TRAPPC9: variants seen among roughly 807,000 people sequenced by gnomAD.
TRAPPC9 encodes the protein trafficking protein particle complex subunit 9.
A neutral mutation model predicts 124.0 loss-of-function variants in TRAPPC9; 83 were observed. That is an observed-to-expected ratio of 0.67 (90% CI 0.56 to 0.80). TRAPPC9 has a LOEUF of 0.80. TRAPPC9 is among the 30% of genes least tolerant of loss of function. The probability of loss-of-function intolerance (pLI) is 0.00; values close to 1 mark genes in which losing one functional copy is unlikely to be tolerated. For missense variants in TRAPPC9, 1,302 were observed against 1,508.3 expected (o/e 0.86, Z 2.27); for synonymous variants, 638 against 617.5 (o/e 1.03, Z -0.49).
intron 16 of TRAPPC9, among the ~76,000 whole-genome samples, chr8:140,244,800 C>CTTTTT (rs1162364645): frequency 2.3e-4 from 21 of 90,178 alleles, no homozygotes; most frequent in Non-Finnish European, 3.9e-4. Context: ...TTTCCAATTC[C>CTTTTT]TTTTTTTTTT....
Position 140,084,436 on chromosome 8 carries a change from G to A in TRAPPC9, c.2557-60357C>T, listed in dbSNP as rs150267316. ...CTCATCCATGGTAAACAGGCTGAGCGTGTCCCTTCTCTGGTTAAAAGCCTT... is the reference window on the plus strand; with the variant it reads ...CTCATCCATGGTAAACAGGCTGAGCATGTCCCTTCTCTGGTTAAAAGCCTT... On this transcript the variant is annotated intron_variant, in intron 17 of 22. Transcript: ENST00000438773. Among the ~76,000 whole-genome samples the A allele has an allele frequency of 2.6e-3, 397 of 152,258 alleles. 2 individuals are homozygous for A. Among genetic ancestry groups the A allele is most frequent in the African/African-American group, 8.9e-3 (368 of 41,548 alleles).
chr8:140,160,643 C>CGGGG (rs2061733699), intron 17 of TRAPPC9, among the ~76,000 whole-genome samples: 1 of 31,106 alleles, frequency 3.2e-5, no homozygotes. Context: ...CAGGGCCTGT[C>CGGGG]GGGGGGTGGG....
chr8:140,411,206 C>T (rs901346968), intron 5 of TRAPPC9, among the ~76,000 whole-genome samples: 12 of 152,112 alleles, frequency 7.9e-5, no homozygotes, highest in Non-Finnish European at 4.4e-5. Context: ...AATCAATGAA[C>T]CTTAGGAGCA....
chr8:140,232,196 C>A (rs2063616139), intron 16 of TRAPPC9, among the ~76,000 whole-genome samples: 1 of 152,058 alleles, frequency 6.6e-6, no homozygotes, highest in Non-Finnish European at 1.5e-5. Context: ...CCTTGGCCTC[C>A]CAAAGTGCTG....
At chr8:140,007,495 T>C (rs1838835699) in intron 18 of TRAPPC9, among the ~76,000 whole-genome samples, 1 of 152,250 alleles carries the variant, frequency 6.6e-6, no homozygotes, top group Non-Finnish European at 1.5e-5. Flanking sequence ...CCTGAAATCA[T>C]GTTTCATGCA....
intron 6 of TRAPPC9, 112 bp downstream of exon 6, chr8:140,405,465 T>C: frequency 8.3e-7 from 1 of 1,199,036 alleles, no homozygotes; most frequent in Non-Finnish European, 1.2e-6. Flanking sequence ...AAGACATGAA[T>C]ACTTACAGAA....
intron 17 of TRAPPC9, among the ~76,000 whole-genome samples, chr8:140,173,006 T>A (rs1587854447): frequency 6.6e-6 from 1 of 152,134 alleles, no homozygotes; most frequent in Admixed American, 6.5e-5. Context: ...GGTCAAAGCC[T>A]GAGATCATGG....
chr8:139,934,010 C>T (rs1414696699), intron 19 of TRAPPC9: 1 of 152,140 alleles, frequency 6.6e-6, no homozygotes, highest in East Asian at 1.9e-4. Flanking sequence ...TAATACCATC[C>T]TGTCCATATT....
chr8:140,011,832 CT>C (rs1839157306), intron 18 of TRAPPC9, among the ~76,000 whole-genome samples: 1 of 151,938 alleles, frequency 6.6e-6, no homozygotes, highest in African/African-American at 2.4e-5. Flanking sequence ...TGCCTGCCAT[CT>C]CACCCAGCTA....
chr8:140,015,598 G>A (rs543266002), intron 18 of TRAPPC9, among the ~76,000 whole-genome samples: 1 of 151,806 alleles, frequency 6.6e-6, no homozygotes, highest in Non-Finnish European at 1.5e-5. Context: ...AGTCCAGCCT[G>A]GGCAACTTGG....
chr8:139,815,882 T>G (rs557863149), intron 21 of TRAPPC9, among the ~76,000 whole-genome samples: 81 of 152,204 alleles, frequency 5.3e-4, no homozygotes, highest in African/African-American at 1.9e-3. Flanking sequence ...ACCTGACTCT[T>G]AGGAGCTCAC....
rs962614293 is a variant in TRAPPC9, at chr8:140,216,720, C to T, written c.2556+4739G>A. The stretch of plus-strand genomic sequence containing the variant: ...CCTCTGCACCTGCCAGCCGCAGGTT[C>T]GGGAATGCCCTCTCCACTCTGGCCT... On this transcript the variant is annotated intron_variant, in intron 17 of 22. Coordinates refer to ENST00000438773, the MANE Select transcript of TRAPPC9 (RefSeq NM_001160372.4). The surrounding 1 kb of genome is among the most constrained non-coding windows in gnomAD (Gnocchi z 4.1). Among the ~76,000 whole-genome samples, 59 of 152,212 alleles carry T rather than the reference C, an allele frequency of 3.9e-4. 1 individual carries two copies. The highest frequency in any genetic ancestry group is 1.5e-4 in the Non-Finnish European group (10 of 68,044).
At chr8:140,188,811 C>G (rs1341449244) in intron 17 of TRAPPC9, among the ~76,000 whole-genome samples, 1 of 152,204 alleles carries the variant, frequency 6.6e-6, no homozygotes, top group Admixed American at 6.5e-5. Flanking sequence ...AATTTGACCA[C>G]TATCCACAGC....
chr8:139,811,859 T>C (rs1824466213), intron 21 of TRAPPC9, among the ~76,000 whole-genome samples: 1 of 152,232 alleles, frequency 6.6e-6, no homozygotes, highest in African/African-American at 2.4e-5. Context: ...TCCTATGCAC[T>C]CTTTCCTGGA....
intron 17 of TRAPPC9, among the ~76,000 whole-genome samples, chr8:140,123,741 G>A (rs772494639): frequency 1.8e-4 from 28 of 152,140 alleles, no homozygotes; most frequent in Non-Finnish European, 3.8e-4. Context: ...AAGAACAATC[G>A]GTGTCTGTTT....
chr8:140,114,972 G>C (rs910311911), intron 17 of TRAPPC9, among the ~76,000 whole-genome samples: 2 of 152,208 alleles, frequency 1.3e-5, no homozygotes, highest in African/African-American at 4.8e-5. Flanking sequence ...CATGGAAGGA[G>C]AGAGAAGAAT....
chr8:139,750,335 C>T (rs1819229349), intron 21 of TRAPPC9, among the ~76,000 whole-genome samples: 1 of 152,188 alleles, frequency 6.6e-6, no homozygotes, highest in Non-Finnish European at 1.5e-5. Context: ...GGAGGCAAAC[C>T]ACGCCTCCCC....
intron 19 of TRAPPC9, among the ~76,000 whole-genome samples, chr8:139,921,141 T>G (rs1832478495): frequency 6.6e-6 from 1 of 152,258 alleles, no homozygotes; most frequent in African/African-American, 2.4e-5. Context: ...AAACACAGGC[T>G]GATGGAACCA....
intron 19 of TRAPPC9, among the ~76,000 whole-genome samples, chr8:139,938,628 A>C (rs1833697069): frequency 6.7e-6 from 1 of 150,340 alleles, no homozygotes; most frequent in Admixed American, 6.6e-5. Flanking sequence ...AGACACACAG[A>C]GCTATACCCG....
Sources: gnomAD v4.1 joint callset for allele counts (sites outside exome capture counted in the v4.1 genomes callset) on GRCh38, gnomAD v4.1.1 for gene constraint, Gnocchi (gnomAD v3.1) non-coding constraint, MANE v1.5 for transcripts, NCBI Gene and HGNC (gene_info 2026-07-23, HGNC 2026-07-21) for gene names.